ZNF607: variants seen among roughly 807,000 people sequenced by gnomAD.
ZNF607 encodes zinc finger protein 607.
Under a neutral mutation model 12.8 loss-of-function variants are expected in ZNF607, and 5 were observed. The ratio of observed to expected loss-of-function variants is 0.39; its 90% CI spans 0.20 to 0.82. The LOEUF is 0.82. Among genes scored for constraint, ZNF607 ranks in the 40% least tolerant of loss-of-function variants. ZNF607 has a pLI of 0.39. For missense variants in ZNF607, 851 were observed against 859.2 expected (o/e 0.99, Z 0.12); for synonymous variants, 287 against 276.2 (o/e 1.04, Z -0.39).
Position 37,709,590 on chromosome 19 carries a change from TTA to T in ZNF607, c.136+104_136+105del. On this transcript the variant is annotated intron_variant, in intron 3 of 4. Coordinates refer to ENST00000355202, the MANE Select transcript of ZNF607 (RefSeq NM_032689.5). ...CTCAATAGAAATAGAGAAAATAAAT[TTA>T]GTTTCTTAAAAGGCAGCCCTGAAAA... 2.3e-6 allele frequency: 3 copies of T among 1,295,844 alleles called. 1 individual carries two copies. In the South Asian group the frequency reaches 4.8e-5, roughly 21 times the overall value. 80.3% of individuals were successfully genotyped at this position (1,295,844 alleles called of 1,614,324 possible).
At chr19:37,708,415 C>T (rs1342260056) in intron 3 of ZNF607, among the ~76,000 whole-genome samples, 1 of 151,476 alleles carries the variant, frequency 6.6e-6, no homozygotes, top group Non-Finnish European at 1.5e-5. Context: ...AGGCTGGTCT[C>T]GAACTCCTGA....
chr19:37,699,991 C>A, intron 4 of ZNF607, 96 bp from the exon 5 acceptor site: 2 of 1,109,888 alleles, frequency 1.8e-6, no homozygotes, highest in South Asian at 1.7e-5. Context: ...GATGCTAACT[C>A]GAAAATACAG....
At position 37,715,031 on chromosome 19, in the gene ZNF607, C is replaced by T. The variant is rs10164315; in HGVS notation, c.-74-3339G>A. On this transcript the variant is annotated intron_variant, in intron 1 of 4. Coordinates refer to ENST00000355202, the MANE Select transcript of ZNF607 (RefSeq NM_032689.5). Reference sequence around the variant, plus strand: ...AAGCTATTCTCCTGCCTCAGCTCTCCGAGTAGCTGGAACTACAGGCGTGTG... The same window carrying T: ...AAGCTATTCTCCTGCCTCAGCTCTCTGAGTAGCTGGAACTACAGGCGTGTG... Among the ~76,000 whole-genome samples, 377 of 152,038 alleles carry T rather than the reference C, an allele frequency of 2.5e-3. 2 individuals are homozygous for T. The highest frequency in any genetic ancestry group is 5.2e-3 in the African/African-American group (216 of 41,490).
At chr19:37,708,308 GC>G (rs1161446140) in intron 3 of ZNF607, among the ~76,000 whole-genome samples, 1 of 151,372 alleles carries the variant, frequency 6.6e-6, no homozygotes, top group Non-Finnish European at 1.5e-5. Flanking sequence ...TGATTCTCCT[GC>G]CTCAGTCTCC....
chr19:37,701,871 G>A (rs986398293), intron 4 of ZNF607, among the ~76,000 whole-genome samples: 2 of 152,134 alleles, frequency 1.3e-5, no homozygotes, highest in African/African-American at 4.8e-5. Context: ...ATAACCATGG[G>A]GGGGAGACAG....
Position 37,699,599 on chromosome 19 carries a change from C to T in ZNF607, c.532G>A (p.Val178Ile). 1.9e-6 allele frequency: 3 copies of T among 1,614,110 alleles called. No individual in the cohort carries two copies. The highest frequency in any genetic ancestry group is 2.5e-6 in the Non-Finnish European group (3 of 1,180,018). Reference protein sequence around the residue: ...KPYECEECGKVFSYPANLAQH... With the variant: ...KPYECEECGKIFSYPANLAQH... ...GCAAGGTTTGCAGGATAACTGAAGA[C>T]CTTCCCACATTCTTCACATTCATAA... Residue 178 changes from valine (V) to isoleucine (I), a missense_variant, in exon 5 of 5, where the codon GTC (valine) becomes ATC (isoleucine). Physicochemically the swap from Val to Ile is conservative, Grantham distance 29. Transcript: ENST00000355202.
rs1041881636 is a variant in ZNF607, at chr19:37,699,145, C to A, written c.986G>T (p.Arg329Ile). ...ATAGTGTTTCTCCCCTGAATAAATT[C>A]TCTGATGCATGGTAAGTTGATACCT... ...TCRYQLTMHQ[R>I]IYSGEKHYEC... Residue 329 changes from arginine (R) to isoleucine (I), a missense_variant, in exon 5 of 5, where the codon AGA becomes ATA. Coordinates refer to ENST00000355202, the MANE Select transcript of ZNF607 (RefSeq NM_032689.5). 7 of 1,614,068 alleles carry A rather than the reference C, an allele frequency of 4.3e-6. No individual in the cohort carries two copies. The highest frequency in any genetic ancestry group is 5.9e-6 in the Non-Finnish European group (7 of 1,180,028).
chr19:37,707,993 C>T lies in ZNF607; in HGVS notation c.156G>A (p.Lys52=), dbSNP rs772602956. 1 of 1,613,576 alleles carries T rather than the reference C, an allele frequency of 6.2e-7. No homozygotes were observed. Among genetic ancestry groups the T allele is most frequent in the Non-Finnish European group, 8.5e-7 (1 of 1,179,894 alleles). Residue 52 remains lysine (K), a synonymous_variant, in exon 4 of 5, where the codon AAG becomes AAA. Transcript: ENST00000355202. ...LVSLAGHSVS[K]PDLITLLEQG... ...GCTCCAATAAGGTGATTAAATCTGGCTTAGATACGGAATGTCCTGCTTACA... is the reference window on the plus strand; with the variant it reads ...GCTCCAATAAGGTGATTAAATCTGGTTTAGATACGGAATGTCCTGCTTACA...
Position 37,699,895 on chromosome 19 carries a change from T to C in ZNF607, c.236A>G (p.Asp79Gly). Residue 79 changes from aspartate (D) to glycine (G), a missense_variant and splice_region_variant, in exon 5 of 5, where the codon GAT becomes GGT. By Grantham distance (94) the Asp-to-Gly change is moderately conservative. Transcript: ENST00000355202. ...GATTATTTCACATCTTGAATCCAAA[T>C]CTAGAAGACATAAAATAAAAACATT... is the stretch of plus-strand genomic sequence containing the variant. ...VREETRGECT[D>G]LDSRCEIISD... The C allele has an allele frequency of 6.4e-7, 1 of 1,565,220 alleles. No homozygotes were observed. The highest frequency in any genetic ancestry group is 8.6e-7 in the Non-Finnish European group (1 of 1,159,612).
chr19:37,702,241 T>C (rs867595988), intron 4 of ZNF607, among the ~76,000 whole-genome samples: 1 of 142,080 alleles, frequency 7.0e-6, no homozygotes, highest in African/African-American at 2.7e-5. Flanking sequence ...GAGCAGAGAT[T>C]GCGCCATTGC....
Position 37,696,718 on chromosome 19 carries a change from T to C in ZNF607, c.*1322A>G, listed in dbSNP as rs540921872. 2.3e-6 allele frequency: 2 copies of C among 858,614 alleles called. No homozygotes were observed. Among genetic ancestry groups the C allele is most frequent in the African/African-American group, 1.6e-5 (1 of 60,620 alleles). The allele number at this position is 858,614 out of a possible 1,614,324, so 53.2% of individuals were successfully genotyped here. On this transcript the variant is annotated 3_prime_UTR_variant, in exon 5 of 5. Coordinates refer to ENST00000355202, the MANE Select transcript of ZNF607 (RefSeq NM_032689.5). ...TGCAATGTCTTCTGCAGCTTCCAGCTTGCACAGCTCGCTCTGGCCGTCCCC... is the reference window on the plus strand; with the variant it reads ...TGCAATGTCTTCTGCAGCTTCCAGCCTGCACAGCTCGCTCTGGCCGTCCCC...
At chr19:37,707,363 C>T (rs1406175257) in intron 4 of ZNF607, among the ~76,000 whole-genome samples, 1 of 151,956 alleles carries the variant, frequency 6.6e-6, no homozygotes, top group Non-Finnish European at 1.5e-5. Flanking sequence ...TGGTGGTGCA[C>T]ACCTGTGGTC....
intron 2 of ZNF607, 44 bp from the exon 3 acceptor site, chr19:37,709,866 G>C (rs376101261): frequency 8.7e-5 from 139 of 1,600,434 alleles, no homozygotes; most frequent in Non-Finnish European, 1.1e-4. Flanking sequence ...TTCCAAAATG[G>C]AGTGGAGGGG....
intron 1 of ZNF607, among the ~76,000 whole-genome samples, chr19:37,713,139 A>T (rs2045145815): frequency 6.6e-6 from 1 of 151,944 alleles, no homozygotes; most frequent in Non-Finnish European, 1.5e-5. Context: ...AAGATGTAGT[A>T]TAAAACCTGT....
chr19:37,716,474 G>A (rs2045177421), intron 1 of ZNF607, among the ~76,000 whole-genome samples: 1 of 152,168 alleles, frequency 6.6e-6, no homozygotes, highest in Admixed American at 6.6e-5. Flanking sequence ...GTCTGTTGGA[G>A]CCTAGTGCAG....
intron 4 of ZNF607, among the ~76,000 whole-genome samples, chr19:37,705,496 T>C (rs2045073845): frequency 6.6e-6 from 1 of 151,642 alleles, no homozygotes; most frequent in Non-Finnish European, 1.5e-5. Context: ...ACCAGCCTGG[T>C]CAACATGGTG....
intron 4 of ZNF607, among the ~76,000 whole-genome samples, chr19:37,703,140 C>CG (rs1232967445): frequency 2.0e-5 from 3 of 151,458 alleles, no homozygotes; most frequent in Admixed American, 1.3e-4. Context: ...TTAGTAGAGA[C>CG]GGGGTTTCTC....
intron 4 of ZNF607, among the ~76,000 whole-genome samples, chr19:37,705,697 A>C (rs1599664438): frequency 6.6e-6 from 1 of 151,750 alleles, no homozygotes; most frequent in African/African-American, 2.4e-5. Flanking sequence ...AAAAAAAAAA[A>C]AAAAAAAAAC....
Position 37,699,200 on chromosome 19 carries a change from A to C in ZNF607, c.931T>G (p.Cys311Gly), listed in dbSNP as rs1400329163. Residue 311 changes from cysteine (C) to glycine (G), a missense_variant, in exon 5 of 5, where the codon TGC becomes GGC. By Grantham distance (159) the Cys-to-Gly change is radical (BLOSUM62 -3). Coordinates refer to ENST00000355202, the MANE Select transcript of ZNF607 (RefSeq NM_032689.5). ...GTAAAGCCCTTCCCGCATTCCTTGC[A>C]TTCATAGGGTTTTTCTCCAGTATGA... Reference protein sequence around the residue: ...RIHTGEKPYECKECGKGFTCR... With the variant: ...RIHTGEKPYEGKECGKGFTCR... The C allele has an allele frequency of 6.2e-7, 1 of 1,614,046 alleles. No individual in the cohort carries two copies. The highest frequency in any genetic ancestry group is 8.5e-7 in the Non-Finnish European group (1 of 1,180,038).
Sources: gnomAD v4.1 joint callset for allele counts (sites outside exome capture counted in the v4.1 genomes callset) on GRCh38, gnomAD v4.1.1 for gene constraint, MANE v1.5 for transcripts, NCBI Gene and HGNC (gene_info 2026-07-23, HGNC 2026-07-21) for gene names.